Variants in EIF4G3 observed in about 807,000 individuals in gnomAD.
The protein encoded by EIF4G3 is eIF-4-gamma 3.
Under a neutral mutation model 186.4 loss-of-function variants are expected in EIF4G3, and 34 were observed. That is an observed-to-expected ratio of 0.18 (90% CI 0.14 to 0.24). The LOEUF (loss-of-function observed/expected upper bound fraction) is 0.24. EIF4G3 is among the 10% of genes least tolerant of loss of function. The pLI is 1.00. For missense variants in EIF4G3, 1,536 were observed against 1,948.5 expected, an observed-to-expected ratio of 0.79 and a Z score of 3.99; for synonymous variants, 673 against 679.5, an observed-to-expected ratio of 0.99 and a Z score of 0.15.
chr1:21,068,921 C>T (rs1342522626), intron 3 of EIF4G3, among the ~76,000 whole-genome samples: 1 of 152,144 alleles, frequency 6.6e-6, no homozygotes, highest in Non-Finnish European at 1.5e-5. Flanking sequence ...TGAACTGCTC[C>T]ATTGAGCATT....
chr1:21,131,199 C>T (rs1205891078), intron 2 of EIF4G3, among the ~76,000 whole-genome samples: 2 of 146,690 alleles, frequency 1.4e-5, no homozygotes, highest in Non-Finnish European at 3.0e-5. Flanking sequence ...AAGATCATGC[C>T]ACTACACTCC....
rs947057304 is a variant in EIF4G3, at chr1:21,176,869, G to A, written c.-603C>T. 2.7e-5 allele frequency: 19 copies of A among 697,794 alleles called. No individual in the cohort carries two copies. The highest frequency in any genetic ancestry group is 2.2e-4 in the East Asian group (8 of 36,606). The allele number at this position is 697,794 out of a possible 1,614,324, so 43.2% of individuals were successfully genotyped here. ...GCAGAGCATCCAACATGGCGCTGTGGCCGCCTCCAGCAGTCCGGCAGGACG... is the reference window on the plus strand; with the variant it reads ...GCAGAGCATCCAACATGGCGCTGTGACCGCCTCCAGCAGTCCGGCAGGACG... On this transcript the variant is annotated 5_prime_UTR_variant, in exon 1 of 37. Transcript: ENST00000602326.
chr1:21,094,385 T>G (rs1006223648), intron 2 of EIF4G3, among the ~76,000 whole-genome samples: 1 of 151,804 alleles, frequency 6.6e-6, no homozygotes, highest in Non-Finnish European at 1.5e-5. Flanking sequence ...CCATCAATGA[T>G]AGACTGGATT....
At chr1:20,856,758 G>A (rs1474014261) in intron 25 of EIF4G3, among the ~76,000 whole-genome samples, 3 of 152,148 alleles carry the variant, frequency 2.0e-5, no homozygotes, top group Non-Finnish European at 2.9e-5. Context: ...TTGTGTAAAA[G>A]CCTGCAATTG....
At chr1:20,874,699 C>T (rs2080248629) in intron 20 of EIF4G3, among the ~76,000 whole-genome samples, 1 of 152,094 alleles carries the variant, frequency 6.6e-6, no homozygotes, top group Admixed American at 6.6e-5. Flanking sequence ...TTTGCTGCAT[C>T]AAAGATTATA....
At chr1:20,879,273 A>T in intron 20 of EIF4G3, 50 bp downstream of exon 20, 1 of 1,428,772 alleles carries the variant, frequency 7.0e-7, no homozygotes. Flanking sequence ...TAGTGAGGGG[A>T]GAATATACCT....
chr1:20,830,988 T>C lies in EIF4G3; in HGVS notation c.4062-1716A>G, dbSNP rs566252588. On this transcript the variant is annotated intron_variant, in intron 30 of 36. Coordinates refer to ENST00000602326, the MANE Select transcript of EIF4G3 (RefSeq NM_001391906.1). ...CTACTACATAGCCTATATTAATGCTTTGCACCACACGTTATTTTCTAAAAG... is the reference window on the plus strand; with the variant it reads ...CTACTACATAGCCTATATTAATGCTCTGCACCACACGTTATTTTCTAAAAG... Among the ~76,000 whole-genome samples, 4 of 152,336 alleles carry C rather than the reference T, an allele frequency of 2.6e-5. No individual in the cohort carries two copies. The South Asian group carries it at 8.3e-4, about 32-fold the overall frequency.
intron 2 of EIF4G3, among the ~76,000 whole-genome samples, chr1:21,144,705 TTAATAGATTA>T (rs1558169342): frequency 6.6e-6 from 1 of 152,158 alleles, no homozygotes; most frequent in Non-Finnish European, 1.5e-5. Context: ...AAAGTAAATT[TTAATAGATTA>T]TAATAAACCA....
At chr1:20,857,552 G>T in intron 24 of EIF4G3, 55 bp from the exon 25 acceptor site, 1 of 1,349,010 alleles carries the variant, frequency 7.4e-7, no homozygotes, top group Non-Finnish European at 1.1e-6. Flanking sequence ...GTTTTACATT[G>T]AAAGAGTGAG....
intron 18 of EIF4G3, among the ~76,000 whole-genome samples, chr1:20,886,759 A>G (rs921741523): frequency 6.6e-6 from 1 of 152,206 alleles, no homozygotes; most frequent in Non-Finnish European, 1.5e-5. Context: ...CTGGGTTTCT[A>G]CAATCCCAGG....
intron 2 of EIF4G3, among the ~76,000 whole-genome samples, chr1:21,157,424 T>G (rs2097683309): frequency 1.3e-5 from 2 of 151,976 alleles, no homozygotes; most frequent in African/African-American, 4.8e-5. Flanking sequence ...CAGGCTGGAG[T>G]GCAGTGGTAT....
chr1:20,975,256 C>T (rs1463823977), intron 10 of EIF4G3, among the ~76,000 whole-genome samples: 1 of 151,924 alleles, frequency 6.6e-6, no homozygotes, highest in Admixed American at 6.6e-5. Flanking sequence ...CAGAAATTAA[C>T]TCAGAAAACA....
rs757105157 is a variant in EIF4G3, at chr1:21,176,264, CGCT to C, written c.-364_-362del. 1,933 of 304,932 alleles carry C rather than the reference CGCT, an allele frequency of 6.3e-3. 13 individuals are homozygous for C. Among genetic ancestry groups the C allele is most frequent in the South Asian group, 8.9e-3 (80 of 8,952 alleles). 18.9% of individuals were successfully genotyped at this position (304,932 alleles called of 1,614,324 possible). On this transcript the variant is annotated 5_prime_UTR_variant, in exon 2 of 37. Coordinates refer to ENST00000602326, the MANE Select transcript of EIF4G3 (RefSeq NM_001391906.1). ...CCGCCGCCGCCGCCGCCGCCGCCGC[CGCT>C]GCTGCCGCCGCCGGGTGAGGAGGCG...
At chr1:21,129,509 G>A (rs116828744) in intron 2 of EIF4G3, among the ~76,000 whole-genome samples, 185 of 152,146 alleles carry the variant, frequency 1.2e-3, no homozygotes, top group African/African-American at 4.3e-3. Context: ...AGAAAGACTG[G>A]CTTCATGACA....
At chr1:20,924,703 C>T (rs962891356) in intron 14 of EIF4G3, among the ~76,000 whole-genome samples, 10 of 152,178 alleles carry the variant, frequency 6.6e-5, no homozygotes, top group Admixed American at 5.2e-4. Flanking sequence ...GTAGCTGGAA[C>T]TACGTGCACT....
At chr1:20,852,962 C>T (rs1201410693) in intron 27 of EIF4G3, among the ~76,000 whole-genome samples, 1 of 151,746 alleles carries the variant, frequency 6.6e-6, no homozygotes, top group Non-Finnish European at 1.5e-5. Flanking sequence ...TAGCAAGATG[C>T]CATCTCTAAA....
chr1:21,060,523 G>A (rs2094835296), intron 3 of EIF4G3, among the ~76,000 whole-genome samples: 1 of 152,186 alleles, frequency 6.6e-6, no homozygotes, highest in Non-Finnish European at 1.5e-5. Flanking sequence ...TTTAAAAGCA[G>A]GAGTGTGAAA....
chr1:20,973,692 C>T (rs1184163555), intron 10 of EIF4G3, among the ~76,000 whole-genome samples: 1 of 152,160 alleles, frequency 6.6e-6, no homozygotes, highest in Non-Finnish European at 1.5e-5. Flanking sequence ...ATTACATTTT[C>T]TATCATTCTT....
chr1:21,152,906 G>C (rs1010079141), intron 2 of EIF4G3, among the ~76,000 whole-genome samples: 1 of 152,192 alleles, frequency 6.6e-6, no homozygotes, highest in Non-Finnish European at 1.5e-5. Context: ...AGGATGGCTT[G>C]AGGCCAGGAG....
Sources: allele counts gnomAD v4.1 joint callset (sites outside exome capture counted in the v4.1 genomes callset), GRCh38; gene constraint gnomAD v4.1.1; transcripts MANE v1.5; gene names NCBI Gene and HGNC (gene_info 2026-07-23, HGNC 2026-07-21).